Variants in DMD observed in about 807,000 individuals in gnomAD.
The protein encoded by DMD is dystrophin.
In DMD, 63 loss-of-function variants were observed where a neutral mutation model predicts 330.1. The ratio of observed to expected loss-of-function variants is 0.19; its 90% CI spans 0.16 to 0.24. DMD has a LOEUF of 0.24. Among genes scored for constraint, DMD ranks in the 10% least tolerant of loss-of-function variants. The pLI is 1.00. For missense variants in DMD, 3,344 were observed against 2,684.1 expected, an observed-to-expected ratio of 1.25 and a Z score of -5.43; for synonymous variants, 1,223 against 959.8, an observed-to-expected ratio of 1.27 and a Z score of -5.07.
At chrX:32,544,906 C>A (rs2048826150) in intron 17 of DMD, among the ~76,000 whole-genome samples, 1 of 110,517 alleles carries the variant, frequency 9.0e-6, no homozygotes, top group Admixed American at 9.6e-5. Context: ...AGTAGTTTAT[C>A]ACCTATAGTT....
intron 9 of DMD, among the ~76,000 whole-genome samples, chrX:32,655,583 T>C (rs2060503255): frequency 9.0e-6 from 1 of 111,664 alleles, no homozygotes; most frequent in Non-Finnish European, 1.9e-5. Flanking sequence ...TTGGAATAAG[T>C]GTGATGTGGT....
At chrX:32,230,742 G>A (rs2097166334) in intron 43 of DMD, among the ~76,000 whole-genome samples, 1 of 111,692 alleles carries the variant, frequency 9.0e-6, no homozygotes, top group Admixed American at 9.6e-5. Context: ...CCTGATTTCA[G>A]AGTTCTCATT....
chrX:31,539,369 C>T (rs1445828002), intron 55 of DMD, among the ~76,000 whole-genome samples: 1 of 112,164 alleles, frequency 8.9e-6, no homozygotes, highest in Non-Finnish European at 1.9e-5. Flanking sequence ...TAGCCTACGT[C>T]CCTTCCTTCA....
chrX:32,402,233 C>G (rs1407963350), intron 30 of DMD, among the ~76,000 whole-genome samples: 2 of 111,332 alleles, frequency 1.8e-5, no homozygotes, highest in South Asian at 3.7e-4. Context: ...TGCTATGCAT[C>G]AAAATAATGG....
intron 62 of DMD, among the ~76,000 whole-genome samples, chrX:31,263,645 C>G (rs754712107): frequency 9.0e-6 from 1 of 111,547 alleles, no homozygotes. Context: ...GATAAATGAA[C>G]TCCTCAAACA....
At chrX:31,661,315 G>A (rs1437139678) in intron 53 of DMD, among the ~76,000 whole-genome samples, 2 of 111,491 alleles carry the variant, frequency 1.8e-5, no homozygotes, top group Non-Finnish European at 3.8e-5. Context: ...TGACATTGAG[G>A]GGGCTCAGGC....
At chrX:31,862,838 T>C (rs965025638) in intron 48 of DMD, among the ~76,000 whole-genome samples, 1 of 112,555 alleles carries the variant, frequency 8.9e-6, no homozygotes, top group African/African-American at 3.2e-5. Context: ...CTGAGCAGCA[T>C]GCACCGGCGA....
chrX:32,487,513 T>A lies in DMD; in HGVS notation c.2623-2414A>T, dbSNP rs934013578. ...AATCTGAGCTTCCTGAAAATCAAAG[T>A]GAAAAGGCAAAAAAAAAGTTAATAT... On this transcript the variant is annotated intron_variant, in intron 20 of 78. Transcript: ENST00000357033. 4.5e-5 allele frequency among the ~76,000 whole-genome samples: 5 copies of A among 110,710 alleles called. No homozygotes were observed. In the East Asian group the frequency reaches 1.4e-3, roughly 32 times the overall value.
At chrX:32,027,590 C>T (rs915446184) in intron 44 of DMD, among the ~76,000 whole-genome samples, 32 of 111,918 alleles carry the variant, frequency 2.9e-4, no homozygotes, top group Non-Finnish European at 5.5e-4. Flanking sequence ...TAAGACTGAA[C>T]CCTTTAGCCT....
At chrX:32,040,392 C>T (rs904346700) in intron 44 of DMD, among the ~76,000 whole-genome samples, 3 of 111,963 alleles carry the variant, frequency 2.7e-5, no homozygotes, top group African/African-American at 9.7e-5. Flanking sequence ...GTTCACTGGC[C>T]CTTTAACCCC....
At chrX:32,686,726 T>C (rs1279305238) in intron 9 of DMD, among the ~76,000 whole-genome samples, 1 of 111,038 alleles carries the variant, frequency 9.0e-6, no homozygotes, top group Admixed American at 9.6e-5. Flanking sequence ...AGATTAAAAA[T>C]ATTAAAATAT....
chrX:32,003,603 A>C (rs894236619), intron 44 of DMD, among the ~76,000 whole-genome samples: 1 of 111,697 alleles, frequency 9.0e-6, no homozygotes, highest in East Asian at 2.8e-4. Flanking sequence ...TTATTAGAAA[A>C]GTTTTTAAAT....
intron 13 of DMD, among the ~76,000 whole-genome samples, chrX:32,574,440 A>G (rs1204255313): frequency 1.8e-5 from 2 of 112,077 alleles, no homozygotes; most frequent in Non-Finnish European, 3.8e-5. Flanking sequence ...AAACTACTAT[A>G]TCATTAACAT....
At chrX:32,034,916 C>T (rs915248997) in intron 44 of DMD, among the ~76,000 whole-genome samples, 2 of 111,766 alleles carry the variant, frequency 1.8e-5, no homozygotes, top group Non-Finnish European at 3.8e-5. Context: ...TCCTAAGGAA[C>T]TGTGACAAAA....
chrX:32,390,094 G>A lies in DMD; in HGVS notation c.4321C>T (p.Leu1441=). The change falls in exon 31 of 79, where the codon CTG becomes TTG. Residue 1441 remains leucine, a synonymous_variant. Coordinates refer to ENST00000357033, the MANE Select transcript of DMD (RefSeq NM_004006.3). The part of the protein sequence containing the change: ...NQGKEAAQRV[L]SQIDVAQKKL... ...ACCTGTGCAACATCAATCTGAGACA[G>A]GACTCTTTGGGCAGCCTCCTTCCCC... 1 of 1,207,656 alleles carries A rather than the reference G, an allele frequency of 8.3e-7. No individual in the cohort carries two copies. The highest frequency in any genetic ancestry group is 1.1e-6 in the Non-Finnish European group (1 of 891,944).
intron 7 of DMD, among the ~76,000 whole-genome samples, chrX:32,786,721 G>A (rs1214841608): frequency 8.9e-6 from 1 of 111,872 alleles, no homozygotes; most frequent in African/African-American, 3.2e-5. Flanking sequence ...ATTCATGGAA[G>A]AAGAGAGGAA....
At chrX:31,530,647 C>CTTTTTTTTTTT (rs1192286078) in intron 55 of DMD, among the ~76,000 whole-genome samples, 2 of 49,819 alleles carry the variant, frequency 4.0e-5, no homozygotes, top group African/African-American at 7.8e-5. Flanking sequence ...ACTGGTTTCT[C>CTTTTTTTTTTT]TTTTTTTTTT....
intron 60 of DMD, among the ~76,000 whole-genome samples, chrX:31,365,139 G>A (rs2059164754): frequency 9.5e-6 from 1 of 105,554 alleles, no homozygotes; most frequent in Admixed American, 1.0e-4. Context: ...GATGCCACAA[G>A]GTTATCAATA....
intron 69 of DMD, among the ~76,000 whole-genome samples, chrX:31,179,518 A>G (rs928442346): frequency 8.9e-6 from 1 of 112,443 alleles, no homozygotes; most frequent in Non-Finnish European, 1.9e-5. Flanking sequence ...CAAGCATGCA[A>G]AGTTTAGAGA....
Sources: gnomAD v4.1 joint callset for allele counts (sites outside exome capture counted in the v4.1 genomes callset) on GRCh38, gnomAD v4.1.1 for gene constraint, MANE v1.5 for transcripts, NCBI Gene and HGNC (gene_info 2026-07-23, HGNC 2026-07-21) for gene names.